Variants in ANAPC7 observed in about 807,000 individuals in gnomAD.
The protein encoded by ANAPC7 is anaphase-promoting complex subunit 7.
A neutral mutation model predicts 63.3 loss-of-function variants in ANAPC7; 25 were observed. That is an observed-to-expected ratio of 0.39 (90% CI 0.29 to 0.55). The LOEUF is 0.55. Ranked by LOEUF, ANAPC7 falls within the 20% of genes least tolerant of loss-of-function variation. ANAPC7 has a pLI of 0.57. For synonymous variants in ANAPC7, 241 were observed against 251.7 expected (o/e 0.96, Z 0.40); for missense variants, 516 against 691.7 (o/e 0.75, Z 2.85).
In ANAPC7 at chr12:110,387,668, A is replaced by G. The variant is rs1882734229; in HGVS notation, c.674+71T>C. The G allele has an allele frequency of 3.9e-6, 6 of 1,531,534 alleles. No homozygotes were observed. The South Asian group carries it at 6.2e-5, about 16-fold the overall frequency. The allele number at this position is 1,531,534 out of a possible 1,614,324, so 94.9% of individuals were successfully genotyped here. On this transcript the variant is annotated intron_variant, in intron 5 of 10. Transcript: ENST00000455511. The stretch of plus-strand genomic sequence containing the variant: ...AAAGCATCTCATTTTTCTTTTTGCT[A>G]CTTCAGATACATCAGACTTCCAGAC...
At chr12:110,378,383 C>A (rs28537922) in intron 8 of ANAPC7, among the ~76,000 whole-genome samples, 3,465 of 152,314 alleles carry the variant, frequency 0.023, 110 homozygotes, top group African/African-American at 0.075. Context: ...CGTAAGCCAC[C>A]GTGCCTGGCC....
chr12:110,382,440 TTAAAA>T (rs1326604301), intron 7 of ANAPC7, among the ~76,000 whole-genome samples: 9 of 26,748 alleles, frequency 3.4e-4, no homozygotes, highest in African/African-American at 1.3e-3. Flanking sequence ...GATTATCCTT[TTAAAA>T]AAAAAAAAAA....
At chr12:110,388,027 C>A (rs1043405692) in intron 4 of ANAPC7, 135 bp from the exon 5 acceptor site, 3 of 917,610 alleles carry the variant, frequency 3.3e-6, no homozygotes, top group Middle Eastern at 2.3e-4. Context: ...GAGAGAAAAA[C>A]CATAATTTAG....
At chr12:110,395,686 C>T (rs911989248) in intron 2 of ANAPC7, among the ~76,000 whole-genome samples, 1 of 151,892 alleles carries the variant, frequency 6.6e-6, no homozygotes, top group Non-Finnish European at 1.5e-5. Context: ...CTACAGGCAT[C>T]CACCACCATG....
intron 7 of ANAPC7, 21 bp from the exon 8 acceptor site, chr12:110,381,969 A>AAAAAACAC: frequency 1.3e-6 from 2 of 1,511,664 alleles, no homozygotes; most frequent in Non-Finnish European, 1.8e-6. Context: ...AAAAAAAAAA[A>AAAAAACAC]AAAACACAAA....
intron 3 of ANAPC7, among the ~76,000 whole-genome samples, chr12:110,388,975 G>A (rs879534993): frequency 7.3e-5 from 11 of 151,530 alleles, no homozygotes; most frequent in Non-Finnish European, 1.2e-4. Flanking sequence ...CCAGCTACTC[G>A]GGAGGCTGAG....
chr12:110,397,315 G>A (rs1490624847), intron 1 of ANAPC7, among the ~76,000 whole-genome samples: 2 of 152,238 alleles, frequency 1.3e-5, no homozygotes, highest in African/African-American at 4.8e-5. Flanking sequence ...ACCACTTTGG[G>A]AGGCTGAGGC....
At position 110,388,664 on chromosome 12, in the gene ANAPC7, T is replaced by C. The variant is rs546979832; in HGVS notation, c.409-41A>G. 43 of 1,423,496 alleles carry C rather than the reference T, an allele frequency of 3.0e-5. No homozygotes were observed. In the Middle Eastern group the frequency reaches 8.8e-4, roughly 29 times the overall value. The allele number at this position is 1,423,496 out of a possible 1,614,324, so 88.2% of individuals were successfully genotyped here. ...TAACAGATAGCAAAATAAGCGTATA[T>C]TGCAAAGAAAATCTCTCACCATGAA... On this transcript the variant is annotated intron_variant, in intron 3 of 10. Coordinates refer to ENST00000455511, the MANE Select transcript of ANAPC7 (RefSeq NM_016238.3).
At chr12:110,381,971 A>C (rs776059081) in intron 7 of ANAPC7, 23 bp from the exon 8 acceptor site, 32 of 1,507,174 alleles carry the variant, frequency 2.1e-5, no homozygotes, top group South Asian at 1.9e-4. Context: ...AAAAAAAAAA[A>C]AACACAAAAA....
At position 110,381,949 on chromosome 12, in the gene ANAPC7, C is replaced by T; in HGVS notation, c.936-1G>A. On this transcript the variant is annotated splice_acceptor_variant, in intron 7 of 10. Transcript: ENST00000455511. LOFTEE classifies it high-confidence loss of function. ...GCGTTTGCTATAGAAGCTGTGACAGCTGGAGAAAAAAAAAAAAAAAAAAAC... is the reference window on the plus strand; with the variant it reads ...GCGTTTGCTATAGAAGCTGTGACAGTTGGAGAAAAAAAAAAAAAAAAAAAC... 1 of 569,560 alleles carries T rather than the reference C, an allele frequency of 1.8e-6. No homozygotes were observed. The highest frequency in any genetic ancestry group is 2.6e-6 in the Non-Finnish European group (1 of 387,512). 35.3% of individuals were successfully genotyped at this position (569,560 alleles called of 1,614,324 possible). A position where few individuals can be genotyped will look rare whatever the true frequency, so the allele number is the denominator to read the frequency against.
intron 3 of ANAPC7, among the ~76,000 whole-genome samples, chr12:110,389,251 A>C (rs998498202): frequency 6.6e-6 from 1 of 152,196 alleles, no homozygotes; most frequent in Non-Finnish European, 1.5e-5. Flanking sequence ...AAGAAATGGT[A>C]GAGAACGCTA....
At chr12:110,383,051 G>T in intron 6 of ANAPC7, 91 bp from the exon 7 acceptor site, 2 of 901,634 alleles carry the variant, frequency 2.2e-6, no homozygotes, top group Non-Finnish European at 3.4e-6. Flanking sequence ...CAGACCCCAT[G>T]CTGAGGCCCC....
chr12:110,393,867 CA>C (rs771757058), intron 3 of ANAPC7, among the ~76,000 whole-genome samples: 547 of 37,354 alleles, frequency 0.015, 3 homozygotes, highest in African/African-American at 0.042. Context: ...AACTCCCTCT[CA>C]AAAAAAAAAA....
chr12:110,397,976 T>A (rs919844694), intron 1 of ANAPC7, among the ~76,000 whole-genome samples: 11 of 151,914 alleles, frequency 7.2e-5, no homozygotes, highest in African/African-American at 2.7e-4. Context: ...CTGAGCTCAG[T>A]AGCTTGCACC....
intron 6 of ANAPC7, 173 bp from the exon 7 acceptor site, chr12:110,383,133 G>A (rs1882099718): frequency 1.7e-6 from 1 of 571,564 alleles, no homozygotes; most frequent in African/African-American, 1.9e-5. Flanking sequence ...TTCCTACAAA[G>A]TGACTATTAA....
intron 2 of ANAPC7, among the ~76,000 whole-genome samples, chr12:110,395,987 A>C (rs1883540537): frequency 6.6e-6 from 1 of 152,196 alleles, no homozygotes; most frequent in Non-Finnish European, 1.5e-5. Context: ...TCCACCTCAG[A>C]TCTTCAGGCA....
chr12:110,400,823 G>C (rs2062217278), intron 1 of ANAPC7, among the ~76,000 whole-genome samples: 1 of 151,688 alleles, frequency 6.6e-6, no homozygotes, highest in South Asian at 2.1e-4. Flanking sequence ...AAGTCATGGG[G>C]ATCACTTGAG....
intron 6 of ANAPC7, among the ~76,000 whole-genome samples, chr12:110,383,899 GA>G (rs1194661087): frequency 9.6e-5 from 9 of 94,032 alleles, no homozygotes; most frequent in South Asian, 3.5e-4. Context: ...AAAAAAAAAA[GA>G]AAAAAAAAAG....
chr12:110,374,018 C>CA lies in ANAPC7; in HGVS notation c.*125dup, dbSNP rs1054174153. 8 of 1,124,162 alleles carry CA rather than the reference C, an allele frequency of 7.1e-6. No homozygotes were observed. The highest frequency in any genetic ancestry group is 2.5e-5 in the Admixed American group (1 of 39,652). 69.6% of individuals were successfully genotyped at this position (1,124,162 alleles called of 1,614,324 possible). A position where few individuals can be genotyped will look rare whatever the true frequency, so the allele number is the denominator to read the frequency against. On this transcript the variant is annotated 3_prime_UTR_variant, in exon 11 of 11. Transcript: ENST00000455511. ...CGACTAGGAATTGGGAGCGAGGGGG[C>CA]AGAGACCCCTGCTGCAATCACATGC... is the stretch of plus-strand genomic sequence containing the variant.
Sources: allele counts gnomAD v4.1 joint callset (sites outside exome capture counted in the v4.1 genomes callset), GRCh38; gene constraint gnomAD v4.1.1; transcripts MANE v1.5; gene names NCBI Gene and HGNC (gene_info 2026-07-23, HGNC 2026-07-21).